The following ACER3 variants were observed in gnomAD, a reference collection of about 807,000 sequenced individuals.
ACER3 encodes the protein alkCDase 3.
ACER3 carries 16 observed loss-of-function variants against 48.9 expected under a neutral mutation model. The observed-to-expected ratio is 0.33, with a 90% CI of 0.22 to 0.50. The LOEUF is 0.50. Ranked by LOEUF, ACER3 falls within the 20% of genes least tolerant of loss-of-function variation. The pLI, the probability that ACER3 is intolerant of heterozygous loss-of-function variation, is 0.98. For synonymous variants in ACER3, 109 were observed against 107.8 expected (o/e 1.01, Z -0.07); for missense variants, 227 against 326.0 (o/e 0.70, Z 2.34).
intron 1 of ACER3, among the ~76,000 whole-genome samples, chr11:76,861,602 C>T (rs752850977): frequency 1.3e-5 from 2 of 152,324 alleles, no homozygotes; most frequent in East Asian, 3.9e-4. Flanking sequence ...CTCCAGGGAA[C>T]AGTTTCACTA....
chr11:77,001,900 TGG>T (rs1949039009), intron 7 of ACER3, among the ~76,000 whole-genome samples: 1 of 152,226 alleles, frequency 6.6e-6, no homozygotes, highest in Non-Finnish European at 1.5e-5. Flanking sequence ...CTCACAGTTC[TGG>T]AGGCTAGAAG....
intron 7 of ACER3, among the ~76,000 whole-genome samples, chr11:77,014,526 T>G (rs1949328247): frequency 6.6e-6 from 1 of 152,222 alleles, no homozygotes; most frequent in Non-Finnish European, 1.5e-5. Context: ...TGTAACTACA[T>G]TGCCTTACAT....
At chr11:77,019,887 G>C in intron 10 of ACER3, 111 bp downstream of exon 10, 3 of 1,093,282 alleles carry the variant, frequency 2.7e-6, no homozygotes, top group Non-Finnish European at 2.8e-6. Context: ...GCAAACACAG[G>C]CTTTGGAACC....
chr11:76,997,022 G>A (rs777173893), intron 6 of ACER3, among the ~76,000 whole-genome samples: 8 of 152,156 alleles, frequency 5.3e-5, no homozygotes, highest in East Asian at 1.9e-4. Context: ...CACCACACCC[G>A]GCCTCTGTTA....
intron 7 of ACER3, among the ~76,000 whole-genome samples, chr11:77,005,124 G>C (rs1411240494): frequency 6.8e-6 from 1 of 146,530 alleles, no homozygotes; most frequent in Non-Finnish European, 1.5e-5. Context: ...TGCAAACTCC[G>C]CCTCCCGGGT....
chr11:76,977,083 A>G (rs528690307), intron 4 of ACER3, among the ~76,000 whole-genome samples: 3 of 152,260 alleles, frequency 2.0e-5, no homozygotes, highest in Non-Finnish European at 2.9e-5. Flanking sequence ...ACAACTATGC[A>G]AGATAAATGG....
rs184712360 is a variant in ACER3, at chr11:76,880,215, T to A, written c.103+19136T>A. On this transcript the variant is annotated intron_variant, in intron 1 of 10. Coordinates refer to ENST00000532485, the MANE Select transcript of ACER3 (RefSeq NM_018367.7). ...TATTTTTATTTAACGTATTCCTTTT[T>A]TAGTTTCATGAGACGGAAGCTTAAA... Among the ~76,000 whole-genome samples, 735 of 152,342 alleles carry A rather than the reference T, an allele frequency of 4.8e-3. 3 individuals carry two copies. Among genetic ancestry groups the A allele is most frequent in the Non-Finnish European group, 8.2e-3 (558 of 68,028 alleles).
chr11:76,964,590 G>A (rs139441462), intron 3 of ACER3, among the ~76,000 whole-genome samples: 2,689 of 151,228 alleles, frequency 0.018, 48 homozygotes, highest in Non-Finnish European at 0.028. Context: ...CACCTCACAC[G>A]GCTGGGTACT....
chr11:76,865,568 GC>G (rs1249745552), intron 1 of ACER3, among the ~76,000 whole-genome samples: 1 of 151,544 alleles, frequency 6.6e-6, no homozygotes, highest in African/African-American at 2.4e-5. Context: ...GAGTGCAGTG[GC>G]GCAATCTTGG....
chr11:76,929,785 A>G (rs1946943306), intron 2 of ACER3, among the ~76,000 whole-genome samples: 2 of 152,168 alleles, frequency 1.3e-5, no homozygotes, highest in Non-Finnish European at 2.9e-5. Context: ...TGATTTGCAT[A>G]TGTTGAACCA....
At chr11:77,016,271 T>C (rs1555023319) in intron 8 of ACER3, among the ~76,000 whole-genome samples, 1 of 152,084 alleles carries the variant, frequency 6.6e-6, no homozygotes, top group Non-Finnish European at 1.5e-5. Context: ...TATGAGAAAT[T>C]TGGAACTTCA....
intron 8 of ACER3, among the ~76,000 whole-genome samples, chr11:77,015,795 G>A (rs1209836511): frequency 6.6e-6 from 1 of 152,054 alleles, no homozygotes. Context: ...TGAATGACCT[G>A]GTCTCTTCGA....
In ACER3 at chr11:76,885,659, C is replaced by T. The variant is rs191582236; in HGVS notation, c.103+24580C>T. ...GCTAGTTTTGAGTAATTTCAGTGGG[C>T]GCTGGGATGTAGGGGCTGCCACTAG... is the stretch of plus-strand genomic sequence containing the variant. On this transcript the variant is annotated intron_variant, in intron 1 of 10. Coordinates refer to ENST00000532485, the MANE Select transcript of ACER3 (RefSeq NM_018367.7). Among the ~76,000 whole-genome samples the T allele has an allele frequency of 2.2e-3, 328 of 152,046 alleles. 1 individual carries two copies. Among genetic ancestry groups the T allele is most frequent in the African/African-American group, 7.5e-3 (310 of 41,460 alleles).
intron 4 of ACER3, among the ~76,000 whole-genome samples, chr11:76,983,802 T>C (rs1210628612): frequency 6.6e-6 from 1 of 152,060 alleles, no homozygotes; most frequent in Non-Finnish European, 1.5e-5. Flanking sequence ...AATGATTTTT[T>C]TTTTTTTTGA....
At chr11:76,896,648 A>T (rs1945938106) in intron 1 of ACER3, among the ~76,000 whole-genome samples, 1 of 152,194 alleles carries the variant, frequency 6.6e-6, no homozygotes, top group Admixed American at 6.5e-5. Context: ...GCAGCCTGTG[A>T]ATAGAAGATT....
At chr11:76,982,218 CTT>C (rs142556459) in intron 4 of ACER3, among the ~76,000 whole-genome samples, 13 of 135,166 alleles carry the variant, frequency 9.6e-5, no homozygotes, top group East Asian at 2.1e-4. Context: ...AACCTTTTTC[CTT>C]TTTTTTTTTT....
At chr11:76,865,232 A>G (rs377328937) in intron 1 of ACER3, among the ~76,000 whole-genome samples, 1 of 142,898 alleles carries the variant, frequency 7.0e-6, no homozygotes, top group East Asian at 2.1e-4. Flanking sequence ...CAGTCCTCCC[A>G]CCTCAGCCTC....
chr11:76,949,762 A>G (rs1239198858), intron 2 of ACER3, among the ~76,000 whole-genome samples: 1 of 152,184 alleles, frequency 6.6e-6, no homozygotes, highest in East Asian at 1.9e-4. Flanking sequence ...TATGGTGCTA[A>G]ACTTCACCTG....
chr11:76,998,713 T>C, intron 6 of ACER3, 50 bp from the exon 7 acceptor site: 1 of 1,422,502 alleles, frequency 7.0e-7, no homozygotes, highest in Admixed American at 2.2e-5. Context: ...ATAGACTTCC[T>C]TTGCCAAACA....
Sources: gnomAD v4.1 joint callset for allele counts (sites outside exome capture counted in the v4.1 genomes callset) on GRCh38, gnomAD v4.1.1 for gene constraint, MANE v1.5 for transcripts, NCBI Gene and HGNC (gene_info 2026-07-23, HGNC 2026-07-21) for gene names.